CDK14: variants seen among roughly 807,000 people sequenced by gnomAD.
The protein encoded by CDK14 is cyclin-dependent kinase 14.
In CDK14, 34 loss-of-function variants were observed where a neutral mutation model predicts 60.7. That is an observed-to-expected ratio of 0.56 (90% CI 0.43 to 0.75). The LOEUF (loss-of-function observed/expected upper bound fraction) is 0.75, where lower values mean the gene tolerates loss of function less well. Ranked by LOEUF, CDK14 falls within the 30% of genes least tolerant of loss-of-function variation. The pLI, the probability that CDK14 is intolerant of heterozygous loss-of-function variation, is 0.00. For missense variants in CDK14, 482 were observed against 564.1 expected (o/e 0.85, Z 1.47); for synonymous variants, 197 against 203.7 (o/e 0.97, Z 0.28).
chr7:90,666,853 A>G (rs1261485538), intron 2 of CDK14, among the ~76,000 whole-genome samples: 2 of 152,218 alleles, frequency 1.3e-5, no homozygotes, highest in Non-Finnish European at 2.9e-5. Flanking sequence ...TCCAAACACA[A>G]GAAATGCACA....
intron 9 of CDK14, among the ~76,000 whole-genome samples, chr7:90,961,858 G>C (rs904205672): frequency 2.6e-5 from 4 of 152,198 alleles, no homozygotes; most frequent in African/African-American, 9.6e-5. Context: ...ACACCATTGA[G>C]AGTTAATAAT....
chr7:90,691,279 G>A (rs2116586253), intron 2 of CDK14, among the ~76,000 whole-genome samples: 1 of 150,060 alleles, frequency 6.7e-6, no homozygotes, highest in Non-Finnish European at 1.5e-5. Flanking sequence ...GGTAAAATTT[G>A]TTTGTATGAG....
At chr7:90,990,330 C>G (rs539078933) in intron 10 of CDK14, among the ~76,000 whole-genome samples, 1 of 152,224 alleles carries the variant, frequency 6.6e-6, no homozygotes, top group East Asian at 1.9e-4. Context: ...TGTATAAAGA[C>G]TGGCAGAAGT....
chr7:90,805,781 C>T (rs1788803296), intron 5 of CDK14, among the ~76,000 whole-genome samples: 1 of 151,840 alleles, frequency 6.6e-6, no homozygotes, highest in South Asian at 2.1e-4. Context: ...GCCATCTGAG[C>T]TACAATTATA....
chr7:91,046,027 C>T, intron 11 of CDK14, 67 bp downstream of exon 11: 1 of 1,068,112 alleles, frequency 9.4e-7, no homozygotes, highest in Middle Eastern at 2.0e-4. Flanking sequence ...ATAAATGTTC[C>T]CTCTCAAGCA....
Position 91,091,518 on chromosome 7 carries a change from A to AT in CDK14, c.1154+12038_1154+12039insT, listed in dbSNP as rs1562900735. Among the ~76,000 whole-genome samples, 42 of 43,250 alleles carry AT rather than the reference A, an allele frequency of 9.7e-4. 1 individual carries two copies. The highest frequency in any genetic ancestry group is 4.5e-3 in the African/African-American group (41 of 9,082). The allele number at this position is 43,250 out of a possible 152,430, so 28.4% of individuals were successfully genotyped here. Reference sequence around the variant, plus strand: ...TATATATTTTATATATATATATATAAATTAGCCAGGCATGGTGGCATATGC... The same window carrying AT: ...TATATATTTTATATATATATATATAATATTAGCCAGGCATGGTGGCATATGC... On this transcript the variant is annotated intron_variant, in intron 12 of 14. Transcript: ENST00000380050.
intron 10 of CDK14, among the ~76,000 whole-genome samples, chr7:91,012,533 G>T (rs576903062): frequency 6.6e-6 from 1 of 152,222 alleles, no homozygotes; most frequent in South Asian, 2.1e-4. Flanking sequence ...CTTCCTCTGG[G>T]TTTCTCCTGT....
intron 3 of CDK14, among the ~76,000 whole-genome samples, chr7:90,742,280 T>C (rs1367705388): frequency 6.6e-6 from 1 of 152,006 alleles, no homozygotes; most frequent in Non-Finnish European, 1.5e-5. Flanking sequence ...TGTGTCTTAG[T>C]TTTTTTGTAT....
At chr7:91,123,201 T>C (rs1311438389) in intron 14 of CDK14, among the ~76,000 whole-genome samples, 2 of 152,194 alleles carry the variant, frequency 1.3e-5, no homozygotes, top group Non-Finnish European at 2.9e-5. Context: ...GGAGATAATA[T>C]CCATCAGCAC....
chr7:90,769,318 C>T (rs1804690970), intron 4 of CDK14, among the ~76,000 whole-genome samples: 2 of 152,128 alleles, frequency 1.3e-5, no homozygotes, highest in South Asian at 4.1e-4. Flanking sequence ...TATATGTTGC[C>T]CCTGAAGCTA....
chr7:91,107,160 C>G (rs1320664692), intron 12 of CDK14, among the ~76,000 whole-genome samples: 1 of 152,162 alleles, frequency 6.6e-6, no homozygotes, highest in African/African-American at 2.4e-5. Flanking sequence ...TCTTCATACT[C>G]CAAAGCACTG....
intron 10 of CDK14, among the ~76,000 whole-genome samples, chr7:91,008,436 G>C (rs1295594814): frequency 6.6e-6 from 1 of 152,170 alleles, no homozygotes; most frequent in Admixed American, 6.5e-5. Context: ...GACTGCATTT[G>C]AAGTCATTGT....
chr7:90,682,969 G>A (rs1244210403), intron 2 of CDK14, among the ~76,000 whole-genome samples: 1 of 152,140 alleles, frequency 6.6e-6, no homozygotes, highest in Non-Finnish European at 1.5e-5. Context: ...CTGCTTCTCA[G>A]TTTTGATGCT....
intron 12 of CDK14, among the ~76,000 whole-genome samples, chr7:91,096,578 A>G (rs1276750844): frequency 1.3e-5 from 2 of 152,158 alleles, no homozygotes; most frequent in East Asian, 1.9e-4. Flanking sequence ...AAAAAAGAAA[A>G]GAAAATATAA....
At chr7:90,715,793 C>A (rs1203028290) in intron 2 of CDK14, among the ~76,000 whole-genome samples, 3 of 151,560 alleles carry the variant, frequency 2.0e-5, no homozygotes, top group African/African-American at 7.3e-5. Context: ...TTCCATTTCC[C>A]CAGTGCAGCT....
intron 9 of CDK14, among the ~76,000 whole-genome samples, chr7:90,973,759 G>C (rs933043587): frequency 5.9e-5 from 9 of 152,028 alleles, no homozygotes; most frequent in Non-Finnish European, 1.3e-4. Context: ...GAGAGGGGGT[G>C]TACTTACAGG....
chr7:90,830,509 G>T (rs1789880456), intron 5 of CDK14, among the ~76,000 whole-genome samples: 1 of 152,238 alleles, frequency 6.6e-6, no homozygotes, highest in South Asian at 2.1e-4. Context: ...CTGCTGCAAA[G>T]ATCTCTGAAA....
chr7:91,056,097 G>A (rs1445870112), intron 11 of CDK14, among the ~76,000 whole-genome samples: 1 of 152,202 alleles, frequency 6.6e-6, no homozygotes, highest in Admixed American at 6.5e-5. Context: ...AGGGAGATGA[G>A]GGGATTGGAA....
intron 2 of CDK14, among the ~76,000 whole-genome samples, chr7:90,631,457 T>C (rs1201113969): frequency 6.6e-6 from 1 of 152,130 alleles, no homozygotes; most frequent in African/African-American, 2.4e-5. Context: ...TATTAATGAG[T>C]GAATAAAAGC....
Sources: allele counts gnomAD v4.1 joint callset (sites outside exome capture counted in the v4.1 genomes callset), GRCh38; gene constraint gnomAD v4.1.1; transcripts MANE v1.5; gene names NCBI Gene and HGNC (gene_info 2026-07-23, HGNC 2026-07-21).